AGAP1: variants seen among roughly 807,000 people sequenced by gnomAD.
AGAP1 encodes ArfGAP with GTPase domain, ankyrin repeat and PH domain 1.
In AGAP1, 29 loss-of-function variants were observed where a neutral mutation model predicts 105.3. The observed-to-expected ratio is 0.28, with a 90% CI of 0.21 to 0.38. The LOEUF is 0.38. Among genes scored for constraint, AGAP1 ranks in the 10% least tolerant of loss-of-function variants. The pLI is 1.00. For missense variants in AGAP1, 998 were observed against 1,165.1 expected (o/e 0.86, Z 2.09); for synonymous variants, 509 against 485.9 (o/e 1.05, Z -0.63).
intron 9 of AGAP1, among the ~76,000 whole-genome samples, chr2:235,876,467 T>G (rs1329448719): frequency 6.6e-6 from 1 of 152,180 alleles, no homozygotes; most frequent in Non-Finnish European, 1.5e-5. Context: ...TCATGGCTCC[T>G]CCCCAGCCAC....
chr2:235,595,335 A>G (rs1251181269), intron 1 of AGAP1, among the ~76,000 whole-genome samples: 2 of 152,202 alleles, frequency 1.3e-5, no homozygotes, highest in Non-Finnish European at 2.9e-5. Flanking sequence ...GGGGCCGGAA[A>G]CCGTGAAACT....
intron 11 of AGAP1, among the ~76,000 whole-genome samples, chr2:235,915,192 A>G (rs899652370): frequency 6.5e-4 from 99 of 152,226 alleles, no homozygotes; most frequent in African/African-American, 2.0e-3. Flanking sequence ...ATCAACCCAC[A>G]TGCTCTTATT....
At position 235,612,178 on chromosome 2, in the gene AGAP1, C is replaced by G. The variant is rs1946149474; in HGVS notation, c.164-97001C>G. On this transcript the variant is annotated intron_variant, in intron 1 of 17. Coordinates refer to ENST00000304032, the MANE Select transcript of AGAP1 (RefSeq NM_001037131.3). This position sits in a 1 kb window ranked among gnomAD's most constrained non-coding sequence, Gnocchi z 4.3. The stretch of plus-strand genomic sequence containing the variant: ...ACACGTTTTCTTTTCTCAGTGAAGC[C>G]CAGGTAACCTGCTGCTTGGGTGTAC... Among the ~76,000 whole-genome samples, 1 of 152,126 alleles carries G rather than the reference C, an allele frequency of 6.6e-6. No individual in the cohort carries two copies. The highest frequency in any genetic ancestry group is 2.1e-4 in the South Asian group (1 of 4,824).
intron 1 of AGAP1, among the ~76,000 whole-genome samples, chr2:235,547,477 G>A (rs1233541891): frequency 1.3e-5 from 2 of 151,228 alleles, no homozygotes; most frequent in South Asian, 2.1e-4. Context: ...TCCTGCCTTA[G>A]CCTCCAGAGT....
At chr2:235,898,050 G>A (rs12994503) in intron 10 of AGAP1, among the ~76,000 whole-genome samples, 53,126 of 152,056 alleles carry the variant, frequency 0.35, 10,295 homozygotes, top group South Asian at 0.64. Flanking sequence ...CACCTCTGCC[G>A]CATCGGCTAT....
At chr2:235,996,048 G>A (rs2055799701) in intron 13 of AGAP1, among the ~76,000 whole-genome samples, 1 of 152,160 alleles carries the variant, frequency 6.6e-6, no homozygotes, top group African/African-American at 2.4e-5. Context: ...GGCTCGGAGG[G>A]GTACAGAGAT....
At chr2:235,814,022 GTTC>G (rs528762661) in intron 9 of AGAP1, among the ~76,000 whole-genome samples, 2 of 152,218 alleles carry the variant, frequency 1.3e-5, no homozygotes, top group African/African-American at 2.4e-5. Context: ...CTGTTGGTGT[GTTC>G]TTCTGCCGGT....
At chr2:235,681,900 GAGTGCAGTGGC>G (rs1388266934) in intron 1 of AGAP1, among the ~76,000 whole-genome samples, 5 of 139,666 alleles carry the variant, frequency 3.6e-5, no homozygotes, top group Non-Finnish European at 6.1e-5. Context: ...ACGCAGGCTG[GAGTGCAGTGGC>G]ACAATCTCAG....
At chr2:235,637,167 G>A (rs1394044515) in intron 1 of AGAP1, among the ~76,000 whole-genome samples, 3 of 152,298 alleles carry the variant, frequency 2.0e-5, no homozygotes, top group African/African-American at 4.8e-5. Context: ...TCTTGTACGA[G>A]GCAGGTGCCA....
chr2:235,822,436 A>ACTCAAGGGTGAGGAAGAGCTGGAGAAG (rs1378031125), intron 9 of AGAP1, among the ~76,000 whole-genome samples: 3 of 135,020 alleles, frequency 2.2e-5, no homozygotes, highest in Non-Finnish European at 4.7e-5. Flanking sequence ...AGATGGAGAA[A>ACTCAAGGGTGAGGAAGAGCTGGAGAAG]CTCAAGGGTG....
rs542716579 is a variant in AGAP1 at position 236,073,028 on chromosome 2, G to A, written c.2114+23747G>A. 3.3e-5 allele frequency among the ~76,000 whole-genome samples: 5 copies of A among 150,756 alleles called. No individual in the cohort carries two copies. The highest frequency in any genetic ancestry group is 4.2e-4 in the South Asian group (2 of 4,754). On this transcript the variant is annotated intron_variant, in intron 16 of 17. Transcript: ENST00000304032. The surrounding 1 kb of genome is among the most constrained non-coding windows in gnomAD (Gnocchi z 5.4). ...TTTTTTTTTTTTCCTAGACAGTCTC[G>A]CTGTGTCTCCAGGCTGGAGTGCAGT...
At chr2:235,763,724 A>G (rs1316670941) in intron 6 of AGAP1, among the ~76,000 whole-genome samples, 2 of 152,152 alleles carry the variant, frequency 1.3e-5, no homozygotes, top group Non-Finnish European at 2.9e-5. Flanking sequence ...GAAAACCTCT[A>G]TCAGTTTATA....
chr2:235,620,280 G>A lies in AGAP1; in HGVS notation c.164-88899G>A, dbSNP rs1299662688. ...TGGTCCCGGGCAGCAGCGTTGCTTGGCGGATTACTGCTCACCTCTTCAAGC... is the reference window on the plus strand; with the variant it reads ...TGGTCCCGGGCAGCAGCGTTGCTTGACGGATTACTGCTCACCTCTTCAAGC... On this transcript the variant is annotated intron_variant, in intron 1 of 17. Transcript: ENST00000304032. The surrounding 1 kb of genome is among the most constrained non-coding windows in gnomAD (Gnocchi z 4.5). Among the ~76,000 whole-genome samples the A allele has an allele frequency of 6.6e-6, 1 of 152,114 alleles. No homozygotes were observed. Among genetic ancestry groups the A allele is most frequent in the Admixed American group, 6.5e-5 (1 of 15,276 alleles).
At chr2:235,589,194 GTTTTTT>G (rs928149334) in intron 1 of AGAP1, among the ~76,000 whole-genome samples, 5 of 59,612 alleles carry the variant, frequency 8.4e-5, no homozygotes, top group East Asian at 1.4e-3. Flanking sequence ...TTATTGTTTT[GTTTTTT>G]TTTTTTTTTT....
intron 2 of AGAP1, among the ~76,000 whole-genome samples, chr2:235,715,345 G>A (rs1386409817): frequency 6.6e-6 from 1 of 152,122 alleles, no homozygotes; most frequent in Admixed American, 6.5e-5. Context: ...CTTGGCCCTC[G>A]GGGTCCTAAG....
rs1434813320 is a variant in AGAP1 at position 236,000,870 on chromosome 2, A to T, written c.1645+32247A>T. Among the ~76,000 whole-genome samples, 1 of 152,180 alleles carries T rather than the reference A, an allele frequency of 6.6e-6. No individual in the cohort carries two copies. Among genetic ancestry groups the T allele is most frequent in the Non-Finnish European group, 1.5e-5 (1 of 68,048 alleles). ...CAGGCACAGAGAGTGGCTGATGAGA[A>T]AGGGCCTGTGTGGAAGGAACCAGGG... On this transcript the variant is annotated intron_variant, in intron 13 of 17. Coordinates refer to ENST00000304032, the MANE Select transcript of AGAP1 (RefSeq NM_001037131.3). This position sits in a 1 kb window ranked among gnomAD's most constrained non-coding sequence, Gnocchi z 4.3.
intron 6 of AGAP1, among the ~76,000 whole-genome samples, chr2:235,778,044 G>T (rs1013097498): frequency 6.6e-6 from 1 of 152,024 alleles, no homozygotes; most frequent in African/African-American, 2.4e-5. Context: ...CACATTTCTG[G>T]CCACTGAGAC....
chr2:235,678,215 T>A (rs1213462581), intron 1 of AGAP1, among the ~76,000 whole-genome samples: 4 of 152,034 alleles, frequency 2.6e-5, no homozygotes, highest in African/African-American at 9.7e-5. Flanking sequence ...CTTCTGAGAG[T>A]CTGTTCTCTT....
At chr2:235,605,858 G>A (rs1226934720) in intron 1 of AGAP1, among the ~76,000 whole-genome samples, 2 of 152,196 alleles carry the variant, frequency 1.3e-5, no homozygotes, top group East Asian at 1.9e-4. Context: ...CCATGGCAAC[G>A]CAGGCATGCA....
Sources: gnomAD v4.1 joint callset for allele counts (sites outside exome capture counted in the v4.1 genomes callset) on GRCh38, gnomAD v4.1.1 for gene constraint, Gnocchi (gnomAD v3.1) non-coding constraint, MANE v1.5 for transcripts, NCBI Gene and HGNC (gene_info 2026-07-23, HGNC 2026-07-21) for gene names.